Variants in DPP6 observed in about 807,000 individuals in gnomAD.
DPP6 encodes dipeptidyl peptidase like 6, also known as A-type potassium channel modulatory protein DPP6.
DPP6 carries 69 observed loss-of-function variants against 122.6 expected under a neutral mutation model. That is an observed-to-expected ratio of 0.56 (90% CI 0.46 to 0.69). DPP6 has a LOEUF of 0.69. Among genes scored for constraint, DPP6 ranks in the 30% least tolerant of loss-of-function variants. The probability of loss-of-function intolerance (pLI) is 0.00; values close to 1 mark genes in which losing one functional copy is unlikely to be tolerated. For missense variants in DPP6, 928 were observed against 1,116.9 expected, an observed-to-expected ratio of 0.83 and a Z score of 2.41; for synonymous variants, 418 against 433.1, an observed-to-expected ratio of 0.97 and a Z score of 0.43.
chr7:154,584,013 C>T (rs1050560906), intron 5 of DPP6, among the ~76,000 whole-genome samples: 2 of 152,180 alleles, frequency 1.3e-5, no homozygotes, highest in African/African-American at 4.8e-5. Flanking sequence ...TTCCACTTCC[C>T]CATTGCCACT....
intron 1 of DPP6, among the ~76,000 whole-genome samples, chr7:153,932,547 G>C (rs1801221524): frequency 6.6e-6 from 1 of 152,132 alleles, no homozygotes; most frequent in African/African-American, 2.4e-5. Flanking sequence ...CAAAGGACAA[G>C]AGCTGTATTG....
At chr7:154,424,968 G>A (rs940262767) in intron 1 of DPP6, among the ~76,000 whole-genome samples, 7 of 152,168 alleles carry the variant, frequency 4.6e-5, no homozygotes, top group Non-Finnish European at 1.0e-4. Flanking sequence ...TTGCATTCTC[G>A]TTGATTGATT....
rs57814385 is a variant in DPP6 at position 154,463,355 on chromosome 7, G to C, written c.359-11584G>C. Among the ~76,000 whole-genome samples, 334 of 151,074 alleles carry C rather than the reference G, an allele frequency of 2.2e-3. 11 individuals carry two copies. The East Asian group carries it at 0.044, about 20-fold the overall frequency. Reference sequence around the variant, plus strand: ...CCCGTGTAGCTGGGACTACAGGCGCGCGCCACCACGCCCGGCTAATTTTTT... The same window carrying C: ...CCCGTGTAGCTGGGACTACAGGCGCCCGCCACCACGCCCGGCTAATTTTTT... On this transcript the variant is annotated intron_variant, in intron 2 of 25. Coordinates refer to ENST00000377770, the MANE Select transcript of DPP6 (RefSeq NM_130797.4).
chr7:154,154,055 G>A (rs547471395), intron 1 of DPP6, among the ~76,000 whole-genome samples: 1 of 152,348 alleles, frequency 6.6e-6, no homozygotes, highest in Admixed American at 6.5e-5. Flanking sequence ...CATCAGCCAG[G>A]AGGTGACAGG....
chr7:154,683,506 A>T (rs2131179283), intron 7 of DPP6, among the ~76,000 whole-genome samples: 1 of 151,920 alleles, frequency 6.6e-6, no homozygotes, highest in Middle Eastern at 3.4e-3. Context: ...TCCCACCATC[A>T]CCTCATGCCT....
intron 11 of DPP6, among the ~76,000 whole-genome samples, chr7:154,794,876 ATTCAGGCAGGCCT>A (rs1216962314): frequency 1.4e-5 from 1 of 73,904 alleles, no homozygotes; most frequent in Non-Finnish European, 2.7e-5. Context: ...CGATTAATAC[ATTCAGGCAGGCCT>A]TTCAGAAACT....
At chr7:154,567,741 G>C (rs1830850997) in intron 5 of DPP6, among the ~76,000 whole-genome samples, 1 of 152,202 alleles carries the variant, frequency 6.6e-6, no homozygotes, top group Admixed American at 6.5e-5. Flanking sequence ...GAGGTGTAAT[G>C]ACTCCTGCAT....
At chr7:153,979,316 G>A (rs1316587951) in intron 1 of DPP6, among the ~76,000 whole-genome samples, 2 of 152,252 alleles carry the variant, frequency 1.3e-5, no homozygotes, top group African/African-American at 2.4e-5. Context: ...ATTGTGAATG[G>A]GAGTTCACTC....
At chr7:154,823,596 T>C (rs541857307) in intron 16 of DPP6, among the ~76,000 whole-genome samples, 16 of 152,342 alleles carry the variant, frequency 1.1e-4, no homozygotes, top group African/African-American at 3.4e-4. Context: ...CTAACCATCA[T>C]TGTATGGATC....
intron 2 of DPP6, among the ~76,000 whole-genome samples, chr7:154,463,293 C>T (rs1432449704): frequency 1.6e-4 from 24 of 149,356 alleles, no homozygotes; most frequent in African/African-American, 2.7e-4. Context: ...CTGCAAGCTC[C>T]GCCTCCCGGG....
intron 8 of DPP6, among the ~76,000 whole-genome samples, chr7:154,735,756 C>A (rs950769275): frequency 7.9e-5 from 12 of 152,176 alleles, no homozygotes; most frequent in Non-Finnish European, 1.6e-4. Flanking sequence ...CTTCTCTGAA[C>A]CTGTGAGAGA....
intron 5 of DPP6, among the ~76,000 whole-genome samples, chr7:154,590,777 G>T (rs191463381): frequency 1.4e-3 from 218 of 150,618 alleles, no homozygotes; most frequent in African/African-American, 5.0e-3. Flanking sequence ...CAGGTGATCC[G>T]CTCACCTTGG....
chr7:153,793,179 C>T, the DPP6 span, among the ~76,000 whole-genome samples: 4 of 151,928 alleles, frequency 2.6e-5, no homozygotes, highest in Non-Finnish European at 4.4e-5. Flanking sequence ...GAGGTTGGAA[C>T]AGTTTGGAGG....
chr7:153,820,612 T>C, the DPP6 span, among the ~76,000 whole-genome samples: 1 of 152,078 alleles, frequency 6.6e-6, no homozygotes, highest in Non-Finnish European at 1.5e-5. Flanking sequence ...CACATACTTC[T>C]GCCATATTCC....
intron 4 of DPP6, among the ~76,000 whole-genome samples, chr7:154,551,429 A>T (rs916949929): frequency 3.3e-5 from 5 of 152,086 alleles, no homozygotes; most frequent in Non-Finnish European, 7.4e-5. Context: ...GACTTATTAG[A>T]CCTGAGGGCC....
intron 1 of DPP6, among the ~76,000 whole-genome samples, chr7:154,179,929 C>T (rs1359835057): frequency 1.3e-5 from 2 of 152,146 alleles, no homozygotes; most frequent in Non-Finnish European, 2.9e-5. Context: ...AAATGACCGA[C>T]AATTCTTGGT....
intron 1 of DPP6, among the ~76,000 whole-genome samples, chr7:154,231,263 G>C (rs1025220650): frequency 2.0e-5 from 3 of 152,146 alleles, no homozygotes; most frequent in African/African-American, 7.2e-5. Context: ...ACTTTGATTT[G>C]TTGTCTGTGC....
chr7:154,405,755 G>T (rs1816035093), intron 1 of DPP6, among the ~76,000 whole-genome samples: 1 of 152,142 alleles, frequency 6.6e-6, no homozygotes, highest in African/African-American at 2.4e-5. Flanking sequence ...TCTCAGATCT[G>T]CAGGACTGGC....
At chr7:154,525,591 C>G (rs765458376) in intron 3 of DPP6, among the ~76,000 whole-genome samples, 1 of 152,230 alleles carries the variant, frequency 6.6e-6, no homozygotes, top group Admixed American at 6.5e-5. Flanking sequence ...ACACGGAATG[C>G]TACCACAGCT....
Sources: gnomAD v4.1 joint callset for allele counts (sites outside exome capture counted in the v4.1 genomes callset) on GRCh38, gnomAD v4.1.1 for gene constraint, MANE v1.5 for transcripts, NCBI Gene and HGNC (gene_info 2026-07-23, HGNC 2026-07-21) for gene names.